Variants in RARB observed in about 807,000 individuals in gnomAD.
RARB encodes the protein retinoic acid receptor beta, also known as HBV-activated protein.
Under a neutral mutation model 51.9 loss-of-function variants are expected in RARB, and 17 were observed. The observed-to-expected ratio is 0.33, with a 90% CI of 0.22 to 0.49. RARB has a LOEUF of 0.49. Ranked by LOEUF, RARB falls within the 20% of genes least tolerant of loss-of-function variation. The pLI is 0.99. For synonymous variants in RARB, 215 were observed against 195.4 expected (o/e 1.10, Z -0.84); for missense variants, 369 against 550.8 (o/e 0.67, Z 3.30).
chr3:24,940,398 T>C (rs1035610575), intron 2 of RARB, among the ~76,000 whole-genome samples: 3 of 152,114 alleles, frequency 2.0e-5, no homozygotes, highest in African/African-American at 7.2e-5. Context: ...GGAGGAACGA[T>C]GTCTTTTGTT....
At chr3:25,476,479 CT>C (rs1161144799) in intron 2 of RARB, among the ~76,000 whole-genome samples, 15 of 152,218 alleles carry the variant, frequency 9.9e-5, no homozygotes, top group African/African-American at 3.4e-4. Context: ...TCTGCAGACA[CT>C]TTTTACAAGT....
intron 4 of RARB, among the ~76,000 whole-genome samples, chr3:25,170,077 G>A (rs1700619369): frequency 1.3e-5 from 2 of 151,892 alleles, no homozygotes; most frequent in South Asian, 4.2e-4. Flanking sequence ...AGGATAGAGA[G>A]CTGTTATTCT....
At chr3:25,266,963 G>C (rs1703140648) in intron 5 of RARB, among the ~76,000 whole-genome samples, 1 of 152,172 alleles carries the variant, frequency 6.6e-6, no homozygotes, top group African/African-American at 2.4e-5. Context: ...AGCCCAAGCA[G>C]ACTAACACAA....
rs199536415 is a variant in RARB, at chr3:25,065,653, G to A, written c.-328+5477G>A. Among the ~76,000 whole-genome samples, 8 of 152,212 alleles carry A rather than the reference G, an allele frequency of 5.3e-5. No homozygotes were observed. In the South Asian group the frequency reaches 8.3e-4, roughly 16 times the overall value. The stretch of plus-strand genomic sequence containing the variant: ...ACTATTTTTCTTATCACAGTGAGCG[G>A]AGACTAAAAGTTCTTCAAATAAATG... On this transcript the variant is annotated intron_variant, in intron 3 of 11. Coordinates refer to the RARB transcript ENST00000383772.
At chr3:25,202,970 G>A (rs1230265622) in intron 5 of RARB, among the ~76,000 whole-genome samples, 2 of 152,156 alleles carry the variant, frequency 1.3e-5, no homozygotes, top group Non-Finnish European at 2.9e-5. Context: ...GCAGAGCTGA[G>A]TTCAGTTCCT....
chr3:25,130,609 G>T (rs1699930530), intron 3 of RARB, among the ~76,000 whole-genome samples: 1 of 151,636 alleles, frequency 6.6e-6, no homozygotes, highest in South Asian at 2.1e-4. Flanking sequence ...TTAATCCTTA[G>T]TATATTTGAA....
intron 2 of RARB, among the ~76,000 whole-genome samples, chr3:24,897,522 G>A (rs1024887537): frequency 2.0e-5 from 3 of 152,054 alleles, no homozygotes; most frequent in African/African-American, 7.2e-5. Flanking sequence ...TTCGATAACT[G>A]TAAACTATAA....
chr3:24,872,922 C>A (rs556945469), intron 2 of RARB, among the ~76,000 whole-genome samples: 26 of 152,288 alleles, frequency 1.7e-4, no homozygotes, highest in Admixed American at 5.9e-4. Flanking sequence ...GTTTTCACAC[C>A]AGTTATTTTC....
At chr3:25,294,513 A>G (rs745592649) in intron 5 of RARB, among the ~76,000 whole-genome samples, 1 of 152,226 alleles carries the variant, frequency 6.6e-6, no homozygotes, top group African/African-American at 2.4e-5. Flanking sequence ...GGCCACCCAG[A>G]CATTAGCTAC....
chr3:25,194,254 A>AGG (rs34799861), intron 5 of RARB, among the ~76,000 whole-genome samples: 1 of 151,038 alleles, frequency 6.6e-6, no homozygotes, highest in Non-Finnish European at 1.5e-5. Context: ...GGAAGGAGAG[A>AGG]AGGTCAGAGA....
intron 1 of RARB, among the ~76,000 whole-genome samples, chr3:24,855,233 G>A (rs1235807979): frequency 6.6e-6 from 1 of 152,184 alleles, no homozygotes; most frequent in Non-Finnish European, 1.5e-5. Context: ...TGAGACAGAA[G>A]AAAGTGAAGC....
chr3:25,554,652 G>A (rs1699982831), intron 3 of RARB, among the ~76,000 whole-genome samples: 1 of 152,196 alleles, frequency 6.6e-6, no homozygotes, highest in African/African-American at 2.4e-5. Flanking sequence ...CCCTCACAGT[G>A]CCGGGCACAG....
At chr3:25,493,116 G>A (rs1366400204) in intron 2 of RARB, among the ~76,000 whole-genome samples, 1 of 151,268 alleles carries the variant, frequency 6.6e-6, no homozygotes, top group Non-Finnish European at 1.5e-5. Context: ...CATCTAACTT[G>A]ACTTGTTCAA....
intron 2 of RARB, among the ~76,000 whole-genome samples, chr3:25,021,752 C>T (rs1271369407): frequency 6.6e-6 from 1 of 151,854 alleles, no homozygotes; most frequent in Non-Finnish European, 1.5e-5. Flanking sequence ...AAATGTTGTA[C>T]TGAGTGCCAA....
At chr3:24,882,845 A>G (rs1330913124) in intron 2 of RARB, among the ~76,000 whole-genome samples, 2 of 152,134 alleles carry the variant, frequency 1.3e-5, no homozygotes, top group Non-Finnish European at 2.9e-5. Flanking sequence ...CTCCTAACCC[A>G]TGATTGGTTG....
At chr3:25,161,881 C>T (rs893041384) in intron 4 of RARB, among the ~76,000 whole-genome samples, 2 of 152,166 alleles carry the variant, frequency 1.3e-5, no homozygotes, top group Non-Finnish European at 2.9e-5. Flanking sequence ...GCAGAGCCCC[C>T]TGGATTATGA....
chr3:25,160,099 A>C (rs896154989), intron 4 of RARB, among the ~76,000 whole-genome samples: 5 of 152,200 alleles, frequency 3.3e-5, no homozygotes, highest in African/African-American at 1.2e-4. Context: ...GAACCCTGTC[A>C]TTCTTTCCTG....
At chr3:25,396,395 G>T (rs886464086) in intron 5 of RARB, among the ~76,000 whole-genome samples, 8 of 152,234 alleles carry the variant, frequency 5.3e-5, no homozygotes, top group Admixed American at 2.0e-4. Flanking sequence ...GGATGTTACA[G>T]GCAGTGGAAT....
intron 2 of RARB, among the ~76,000 whole-genome samples, chr3:24,927,460 T>A (rs1575075864): frequency 6.6e-6 from 1 of 152,118 alleles, no homozygotes; most frequent in East Asian, 1.9e-4. Flanking sequence ...GTTACCAAGA[T>A]CTTTCTCTTT....
Sources: gnomAD v4.1 joint callset for allele counts (sites outside exome capture counted in the v4.1 genomes callset) on GRCh38, gnomAD v4.1.1 for gene constraint, MANE v1.5 for transcripts, NCBI Gene and HGNC (gene_info 2026-07-23, HGNC 2026-07-21) for gene names.